Variants in SLC9A6 observed in about 807,000 individuals in gnomAD.
SLC9A6 encodes sodium/hydrogen exchanger 6.
Under a neutral mutation model 45.3 loss-of-function variants are expected in SLC9A6, and 6 were observed. The ratio of observed to expected loss-of-function variants is 0.13; its 90% CI spans 0.07 to 0.26. SLC9A6 has a LOEUF of 0.26. Among genes scored for constraint, SLC9A6 ranks in the 10% least tolerant of loss-of-function variants. SLC9A6 has a pLI of 1.00. For missense variants in SLC9A6, 278 were observed against 503.7 expected (o/e 0.55, Z 4.29); for synonymous variants, 191 against 187.7 (o/e 1.02, Z -0.14).
chrX:135,985,527 G>GCACCCCTCCGCCGTGGCGTCGGC (rs1157995682), intron 1 of SLC9A6, 50 bp downstream of exon 1: 1 of 1,130,878 alleles, frequency 8.8e-7, no homozygotes, highest in Non-Finnish European at 1.2e-6. Flanking sequence ...CTGGCGGCGG[G>GCACCCCTCCGCCGTGGCGTCGGC]CACCCCTCCG....
At chrX:136,016,825 A>G in intron 11 of SLC9A6, 67 bp downstream of exon 11, 3 of 607,093 alleles carry the variant, frequency 4.9e-6, no homozygotes, top group Non-Finnish European at 2.7e-6. Flanking sequence ...GGTTTTGAGT[A>G]TGTGGTTCAT....
chrX:135,975,999 A>AG (rs1339283954), intron 1 of SLC9A6, among the ~76,000 whole-genome samples: 20 of 108,376 alleles, frequency 1.8e-4, no homozygotes, highest in African/African-American at 4.0e-4. Flanking sequence ...AAAAAAAAAA[A>AG]AAGTAGAAGA....
At chrX:135,988,945 T>G (rs1021930489) in intron 2 of SLC9A6, among the ~76,000 whole-genome samples, 3 of 110,524 alleles carry the variant, frequency 2.7e-5, no homozygotes, top group Non-Finnish European at 5.7e-5. Flanking sequence ...TCTAGTCCTA[T>G]TTATTGTCTG....
In SLC9A6 at chrX:136,042,594, C is replaced by T. The variant is rs566210107; in HGVS notation, c.1768-1858C>T. On this transcript the variant is annotated intron_variant, in intron 17 of 17. Coordinates refer to ENST00000630721, the MANE Select transcript of SLC9A6 (RefSeq NM_001379110.1). ...GTACAAAATGAAAAATCAAAGTTGC[C>T]TTCCTCCTACCTGCAGTCCTCGAGG... Among the ~76,000 whole-genome samples, 10 of 112,381 alleles carry T rather than the reference C, an allele frequency of 8.9e-5. No individual in the cohort carries two copies. The South Asian group carries it at 3.0e-3, about 33-fold the overall frequency.
intron 16 of SLC9A6, among the ~76,000 whole-genome samples, chrX:136,035,462 C>T (rs1432206864): frequency 2.7e-5 from 3 of 111,815 alleles, no homozygotes; most frequent in Admixed American, 9.5e-5. Flanking sequence ...TTCTTTCACT[C>T]GACATCTGTG....
At chrX:135,995,099 C>G in intron 3 of SLC9A6, 114 bp downstream of exon 3, 1 of 505,793 alleles carries the variant, frequency 2.0e-6, no homozygotes, top group Admixed American at 3.0e-5. Flanking sequence ...GAGTCTTTTT[C>G]AATGGAGTAA....
In SLC9A6 at chrX:135,987,509, T is replaced by C. The variant is rs142255835; in HGVS notation, c.169+1682T>C. On this transcript the variant is annotated intron_variant, in intron 2 of 17. Transcript: ENST00000630721. ...GAGATACTTCTTTTATAGAGAGAGA[T>C]AGTATGATGTGGTAATTAAAGGTAC... 5.0e-3 allele frequency among the ~76,000 whole-genome samples: 556 copies of C among 110,958 alleles called. 4 individuals carry two copies. Among genetic ancestry groups the C allele is most frequent in the Non-Finnish European group, 6.8e-3 (361 of 52,957 alleles).
At chrX:136,032,180 G>A (rs1195389903) in intron 15 of SLC9A6, among the ~76,000 whole-genome samples, 2 of 112,186 alleles carry the variant, frequency 1.8e-5, no homozygotes, top group African/African-American at 6.5e-5. Context: ...CAATTCTCTT[G>A]CCTCACCCTT....
At chrX:135,988,828 G>A (rs2089386382) in intron 2 of SLC9A6, among the ~76,000 whole-genome samples, 1 of 109,102 alleles carries the variant, frequency 9.2e-6, no homozygotes, top group Non-Finnish European at 1.9e-5. Flanking sequence ...TGCCCAGGCT[G>A]GTCTCAAGCT....
chrX:135,975,047 C>CTG, intron 1 of SLC9A6: 1 of 141,765 alleles, frequency 7.1e-6, no homozygotes, highest in Non-Finnish European at 1.4e-5. Flanking sequence ...CCCTGGGGAG[C>CTG]TCACCCATTC....
In SLC9A6 at chrX:136,024,457, T is replaced by C. The variant is rs1057520374; in HGVS notation, c.1434T>C (p.Thr478=). ...TGTGGGTATTTGGTGGTGGCACCAC[T>C]GCAATGCTGTCATGCTTGCATATCA... is the stretch of plus-strand genomic sequence containing the variant. The part of the protein sequence containing the change: ...FTVWVFGGGT[T]AMLSCLHIRY... The change falls in exon 13 of 18, where the codon ACT becomes ACC. Residue 478 remains threonine (T), a synonymous_variant. Coordinates refer to ENST00000630721, the MANE Select transcript of SLC9A6 (RefSeq NM_001379110.1). The C allele has an allele frequency of 5.8e-6, 7 of 1,208,523 alleles. No homozygotes were observed. The African/African-American group carries it at 1.0e-4, about 18-fold the overall frequency.
At chrX:135,979,131 T>C (rs1438708002) in intron 1 of SLC9A6, among the ~76,000 whole-genome samples, 2 of 111,573 alleles carry the variant, frequency 1.8e-5, no homozygotes, top group East Asian at 2.8e-4. Context: ...GCAGTACTTA[T>C]TGTCTCAGTG....
chrX:135,977,428 C>T (rs2089267781), intron 1 of SLC9A6, among the ~76,000 whole-genome samples: 2 of 112,030 alleles, frequency 1.8e-5, no homozygotes, highest in Non-Finnish European at 3.8e-5. Context: ...CCCAGCTCCA[C>T]GAGTATCTTC....
At chrX:136,001,397 C>T (rs1439668374) in intron 6 of SLC9A6, among the ~76,000 whole-genome samples, 1 of 108,637 alleles carries the variant, frequency 9.2e-6, no homozygotes, top group Non-Finnish European at 1.9e-5. Flanking sequence ...TTTTTCATGT[C>T]CGCTTGGGTT....
At chrX:135,974,366 GGAGGGGACGGAGAGTGGGTGAGGGCC>G (rs2089247750), upstream of SLC9A6, among the ~76,000 whole-genome samples, 1 of 28,250 alleles carries the variant, frequency 3.5e-5, no homozygotes, top group African/African-American at 1.6e-4. Flanking sequence ...GGGGCGGGGC[GGAGGGGACGGAGAGTGGGTGAGGGCC>G]GAGGGGGCGG....
rs1416152370 is a variant in SLC9A6, at chrX:135,989,864, CCT to C, written c.169+4042_169+4043del. 2.7e-5 allele frequency among the ~76,000 whole-genome samples: 3 copies of C among 109,310 alleles called. No homozygotes were observed. The East Asian group carries it at 8.6e-4, about 31-fold the overall frequency. 94.9% of individuals were successfully genotyped at this position (109,310 alleles called of 115,157 possible). Reference sequence around the variant, plus strand: ...TCAGGAATGTGTAGGAGGGTTAGGACCTCTCTGTTTTGTGAAAGATATCTCTT... The same window carrying C: ...TCAGGAATGTGTAGGAGGGTTAGGACCTCTGTTTTGTGAAAGATATCTCTT... On this transcript the variant is annotated intron_variant, in intron 2 of 17. Coordinates refer to ENST00000630721, the MANE Select transcript of SLC9A6 (RefSeq NM_001379110.1).
At chrX:136,026,042 G>A (rs1285016552) in intron 13 of SLC9A6, among the ~76,000 whole-genome samples, 1 of 112,269 alleles carries the variant, frequency 8.9e-6, no homozygotes, top group Non-Finnish European at 1.9e-5. Context: ...ATCACTAGCT[G>A]TCAAAGCTCT....
At position 136,032,575 on chromosome X, in the gene SLC9A6, A is replaced by G. The variant is rs782359637; in HGVS notation, c.1582-839A>G. ...GCCTAACTGCCCAACTGCTGACTGCACCATATTACAAATAAAGACACAGTT... is the reference window on the plus strand; with the variant it reads ...GCCTAACTGCCCAACTGCTGACTGCGCCATATTACAAATAAAGACACAGTT... On this transcript the variant is annotated intron_variant, in intron 15 of 17. Coordinates refer to ENST00000630721, the MANE Select transcript of SLC9A6 (RefSeq NM_001379110.1). Among the ~76,000 whole-genome samples the G allele has an allele frequency of 1.7e-3, 192 of 112,130 alleles. 1 individual carries two copies. The highest frequency in any genetic ancestry group is 6.1e-3 in the African/African-American group (187 of 30,871).
upstream of SLC9A6, chrX:135,983,632 A>C (rs1182956534): frequency 9.2e-6 from 1 of 108,713 alleles, no homozygotes; most frequent in Non-Finnish European, 1.9e-5. Context: ...GGGCCACATA[A>C]ACAGAGGTGG....
Sources: allele counts gnomAD v4.1 joint callset (sites outside exome capture counted in the v4.1 genomes callset), GRCh38; gene constraint gnomAD v4.1.1; transcripts MANE v1.5; gene names NCBI Gene and HGNC (gene_info 2026-07-23, HGNC 2026-07-21).